The following KCNQ5 variants were observed in gnomAD, a reference collection of about 807,000 sequenced individuals.
The protein encoded by KCNQ5 is potassium voltage-gated channel subfamily KQT member 5.
Under a neutral mutation model 98.2 loss-of-function variants are expected in KCNQ5, and 30 were observed. The observed-to-expected ratio is 0.31, with a 90% confidence interval of 0.23 to 0.41. The LOEUF (loss-of-function observed/expected upper bound fraction) is 0.41. Ranked by LOEUF, KCNQ5 falls within the 10% of genes least tolerant of loss-of-function variation. The pLI is 1.00. For synonymous variants in KCNQ5, 458 were observed against 449.4 expected, an observed-to-expected ratio of 1.02 and a Z score of -0.24; for missense variants, 835 against 1,182.5, an observed-to-expected ratio of 0.71 and a Z score of 4.31.
intron 1 of KCNQ5, among the ~76,000 whole-genome samples, chr6:72,890,473 G>A (rs1365041765): frequency 1.3e-5 from 2 of 150,946 alleles, no homozygotes; most frequent in African/African-American, 4.8e-5. Flanking sequence ...CTGTTTGTGG[G>A]GGAAGTTATT....
chr6:72,788,532 G>A (rs1773872775), intron 1 of KCNQ5, among the ~76,000 whole-genome samples: 1 of 152,276 alleles, frequency 6.6e-6, no homozygotes. Context: ...ATTGTTTATA[G>A]TTAAAAATAG....
intron 1 of KCNQ5, among the ~76,000 whole-genome samples, chr6:72,945,830 GT>G (rs565176047): frequency 6.0e-4 from 91 of 152,172 alleles, no homozygotes; most frequent in African/African-American, 2.2e-3. Context: ...TGCAATACTG[GT>G]GTAGAATATT....
chr6:72,825,809 T>A (rs577526246), intron 1 of KCNQ5, among the ~76,000 whole-genome samples: 5 of 152,126 alleles, frequency 3.3e-5, no homozygotes, highest in Non-Finnish European at 7.4e-5. Flanking sequence ...GTCAAATGAA[T>A]GAATGATGAA....
intron 2 of KCNQ5, among the ~76,000 whole-genome samples, chr6:73,033,786 C>A (rs6453619): frequency 0.27 from 41,316 of 150,982 alleles, 6,222 homozygotes; most frequent in East Asian, 0.56. Context: ...CACGCTCTCA[C>A]AACCACCTCT....
At chr6:72,650,055 T>C (rs2154472350) in intron 1 of KCNQ5, among the ~76,000 whole-genome samples, 1 of 152,250 alleles carries the variant, frequency 6.6e-6, no homozygotes, top group African/African-American at 2.4e-5. Flanking sequence ...AACTCAACCT[T>C]CCATTTTTCT....
chr6:72,950,566 G>T (rs764762104), intron 1 of KCNQ5, among the ~76,000 whole-genome samples: 1 of 152,180 alleles, frequency 6.6e-6, no homozygotes, highest in Admixed American at 6.5e-5. Flanking sequence ...TCCTCCAGTG[G>T]CATGAGCCTG....
chr6:72,693,272 G>C (rs1407511997), intron 1 of KCNQ5, among the ~76,000 whole-genome samples: 1 of 152,148 alleles, frequency 6.6e-6, no homozygotes, highest in Non-Finnish European at 1.5e-5. Flanking sequence ...GGAGTGTTTA[G>C]AGAGTTAGAA....
intron 1 of KCNQ5, among the ~76,000 whole-genome samples, chr6:72,768,489 T>C (rs1032034344): frequency 5.3e-5 from 8 of 152,082 alleles, no homozygotes; most frequent in African/African-American, 1.9e-4. Flanking sequence ...TAGAGCAGTT[T>C]TGCTTTTTGA....
intron 1 of KCNQ5, among the ~76,000 whole-genome samples, chr6:72,895,952 A>C (rs866074536): frequency 6.6e-6 from 1 of 152,076 alleles, no homozygotes; most frequent in Non-Finnish European, 1.5e-5. Context: ...GATTGGACAA[A>C]TTATAAGATA....
chr6:72,852,640 A>ATATATATATATATATAT, intron 1 of KCNQ5, among the ~76,000 whole-genome samples: 1 of 56,802 alleles, frequency 1.8e-5, no homozygotes, highest in Non-Finnish European at 3.3e-5. Flanking sequence ...ATGAAGGGGA[A>ATATATATATATATATAT]ATATATATAT....
intron 1 of KCNQ5, among the ~76,000 whole-genome samples, chr6:72,902,830 G>A (rs764078175): frequency 1.3e-5 from 2 of 152,034 alleles, no homozygotes; most frequent in African/African-American, 4.8e-5. Flanking sequence ...TTCCTGATTT[G>A]GGTATTAGGG....
chr6:72,751,897 T>C (rs1771703075), intron 1 of KCNQ5, among the ~76,000 whole-genome samples: 1 of 152,160 alleles, frequency 6.6e-6, no homozygotes, highest in African/African-American at 2.4e-5. Context: ...AAGTGATTTT[T>C]AAAGATAGGA....
chr6:73,065,345 C>T (rs1470032841), intron 3 of KCNQ5, among the ~76,000 whole-genome samples: 1 of 152,146 alleles, frequency 6.6e-6, no homozygotes, highest in Non-Finnish European at 1.5e-5. Flanking sequence ...TTGGCCTCTC[C>T]ACCTTCACAA....
chr6:72,642,112 C>T, intron 1 of KCNQ5, among the ~76,000 whole-genome samples: 1 of 149,900 alleles, frequency 6.7e-6, no homozygotes, highest in Non-Finnish European at 1.5e-5. Context: ...TTATACATGG[C>T]TATTGCTATT....
chr6:72,914,589 T>A (rs1780059498), intron 1 of KCNQ5, among the ~76,000 whole-genome samples: 1 of 147,392 alleles, frequency 6.8e-6, no homozygotes, highest in Admixed American at 6.9e-5. Flanking sequence ...CTCTTGCCCA[T>A]TTTAGATGTG....
At chr6:72,713,688 C>T (rs573991712) in intron 1 of KCNQ5, among the ~76,000 whole-genome samples, 2 of 152,274 alleles carry the variant, frequency 1.3e-5, no homozygotes, top group East Asian at 3.9e-4. Flanking sequence ...CTATTCTAGG[C>T]TAAAGGAATA....
At chr6:72,678,709 G>A (rs1486102592) in intron 1 of KCNQ5, among the ~76,000 whole-genome samples, 1 of 152,050 alleles carries the variant, frequency 6.6e-6, no homozygotes, top group Non-Finnish European at 1.5e-5. Context: ...AGATGTCTTT[G>A]GAACAACATT....
chr6:73,051,642 C>G (rs1028106855), intron 3 of KCNQ5, among the ~76,000 whole-genome samples: 1 of 144,786 alleles, frequency 6.9e-6, no homozygotes, highest in African/African-American at 2.6e-5. Flanking sequence ...AGAAATGAAG[C>G]CAGTCAACTG....
At chr6:72,916,493 A>G (rs1780144143) in intron 1 of KCNQ5, among the ~76,000 whole-genome samples, 1 of 152,188 alleles carries the variant, frequency 6.6e-6, no homozygotes, top group Non-Finnish European at 1.5e-5. Flanking sequence ...ATGACAACTC[A>G]CTTCACTCCC....
Sources: allele counts gnomAD v4.1 joint callset (sites outside exome capture counted in the v4.1 genomes callset), GRCh38; gene constraint gnomAD v4.1.1; transcripts MANE v1.5; gene names NCBI Gene and HGNC (gene_info 2026-07-23, HGNC 2026-07-21).